Variants in CCDC171 observed in about 807,000 individuals in gnomAD.
The protein encoded by CCDC171 is coiled-coil domain containing 171, also known as coiled-coil domain-containing protein 171.
Under a neutral mutation model 168.2 loss-of-function variants are expected in CCDC171, and 177 were observed. The ratio of observed to expected loss-of-function variants is 1.05; its 90% CI spans 0.93 to 1.19. CCDC171 has a LOEUF of 1.19. Among genes scored for constraint, CCDC171 ranks in the 50% most tolerant of loss-of-function variants. The probability of loss-of-function intolerance (pLI) is 0.00; values close to 1 mark genes in which losing one functional copy is unlikely to be tolerated. For missense variants in CCDC171, 1,991 were observed against 1,539.0 expected, an observed-to-expected ratio of 1.29 and a Z score of -4.91; for synonymous variants, 687 against 540.8, an observed-to-expected ratio of 1.27 and a Z score of -3.75.
chr9:15,841,652 C>T lies in CCDC171; in HGVS notation c.3268-5050C>T, dbSNP rs563667406. Among the ~76,000 whole-genome samples the T allele has an allele frequency of 1.3e-4, 20 of 151,926 alleles. No homozygotes were observed. The South Asian group carries it at 4.2e-3, about 32-fold the overall frequency. On this transcript the variant is annotated intron_variant, in intron 21 of 25. Coordinates refer to ENST00000380701, the MANE Select transcript of CCDC171 (RefSeq NM_173550.4). ...AATTCCTCATATAAAATATAAGATA[C>T]CAAGATCGAAATTTATTCAGATATA...
chr9:16,059,860 G>A (rs1833905565), intron 1 of CCDC171, among the ~76,000 whole-genome samples: 1 of 151,764 alleles, frequency 6.6e-6, no homozygotes, highest in Admixed American at 6.6e-5. Flanking sequence ...ACTTGCAAGT[G>A]AGTGAGTCAG....
intron 25 of CCDC171, among the ~76,000 whole-genome samples, chr9:15,962,006 G>A (rs1031513479): frequency 3.9e-5 from 6 of 152,036 alleles, no homozygotes; most frequent in Non-Finnish European, 5.9e-5. Flanking sequence ...ATTTTAAATA[G>A]TTATGGGAAA....
At chr9:15,601,463 T>C (rs1271971417) in intron 6 of CCDC171, among the ~76,000 whole-genome samples, 1 of 152,230 alleles carries the variant, frequency 6.6e-6, no homozygotes. Context: ...AACCACGCTT[T>C]AGACCTCTTG....
In CCDC171 at chr9:15,727,555, GC is replaced by G. The variant is rs1263031191; in HGVS notation, c.1693-313del. Among the ~76,000 whole-genome samples, 3 of 152,270 alleles carry G rather than the reference GC, an allele frequency of 2.0e-5. No homozygotes were observed. The East Asian group carries it at 5.8e-4, about 29-fold the overall frequency. ...TCCAATCCATATGCTTCGTGTGATA[GC>G]TAAGGAAACTTAAGCCTGAGCAGGT... On this transcript the variant is annotated intron_variant, in intron 14 of 25. Transcript: ENST00000380701.
intron 24 of CCDC171, among the ~76,000 whole-genome samples, chr9:15,895,348 GAAAGTC>G (rs968492268): frequency 5.3e-5 from 8 of 152,088 alleles, no homozygotes; most frequent in Non-Finnish European, 8.8e-5. Context: ...AAGTGTTAGA[GAAAGTC>G]AAAGTAACTG....
chr9:15,858,908 C>T (rs1028650230), intron 23 of CCDC171, among the ~76,000 whole-genome samples: 1 of 152,024 alleles, frequency 6.6e-6, no homozygotes, highest in African/African-American at 2.4e-5. Flanking sequence ...CTTGCTAGGA[C>T]ATTCAGTGAT....
the CCDC171 span, among the ~76,000 whole-genome samples, chr9:16,081,495 G>GA: frequency 6.6e-6 from 1 of 152,114 alleles, no homozygotes. Flanking sequence ...ACATGAACAA[G>GA]AAAAAATGTA....
chr9:15,808,517 G>T (rs2059176617), intron 21 of CCDC171, among the ~76,000 whole-genome samples: 1 of 152,190 alleles, frequency 6.6e-6, no homozygotes, highest in Non-Finnish European at 1.5e-5. Context: ...GAGAGTGCTA[G>T]TAGACTGGGT....
intron 10 of CCDC171, among the ~76,000 whole-genome samples, chr9:15,685,232 A>G (rs2050306055): frequency 6.6e-6 from 1 of 152,234 alleles, no homozygotes; most frequent in African/African-American, 2.4e-5. Flanking sequence ...TTTCAGCTCA[A>G]CAGTTTTGTT....
At chr9:15,871,512 C>G (rs992539596) in intron 23 of CCDC171, among the ~76,000 whole-genome samples, 2 of 151,792 alleles carry the variant, frequency 1.3e-5, no homozygotes, top group Non-Finnish European at 2.9e-5. Context: ...AATATTACTT[C>G]AAAACTTTTT....
chr9:15,560,092 G>A (rs2039154798), intron 1 of CCDC171, among the ~76,000 whole-genome samples: 1 of 152,196 alleles, frequency 6.6e-6, no homozygotes, highest in East Asian at 1.9e-4. Context: ...AGTTTCTGCT[G>A]AGAGATCCGC....
At chr9:15,623,479 A>T (rs199908984) in intron 7 of CCDC171, 66 bp downstream of exon 7, 1 of 399,542 alleles carries the variant, frequency 2.5e-6, no homozygotes, top group East Asian at 6.6e-5. Flanking sequence ...GCGCGCGCAC[A>T]CACACACACA....
At chr9:15,740,809 A>G (rs978964381) in intron 16 of CCDC171, among the ~76,000 whole-genome samples, 30 of 151,994 alleles carry the variant, frequency 2.0e-4, no homozygotes, top group African/African-American at 5.8e-4. Flanking sequence ...CTTCTTTTTC[A>G]GGGTTAAACT....
rs1329517159 is a variant in CCDC171 at position 15,816,309 on chromosome 9, TTTAAA to T, written c.3268-30387_3268-30383del. ...TTTTTTACAAACATTATATTAGTTT[TTTAAA>T]TTAAACCTGCTTAAGTAAGAAAAAA... On this transcript the variant is annotated intron_variant, in intron 21 of 25. Coordinates refer to ENST00000380701, the MANE Select transcript of CCDC171 (RefSeq NM_173550.4). 1.5e-4 allele frequency among the ~76,000 whole-genome samples: 18 copies of T among 117,806 alleles called. 5 individuals are homozygous for T. The highest frequency in any genetic ancestry group is 3.1e-4 in the Non-Finnish European group (16 of 52,382). 77.3% of individuals were successfully genotyped at this position (117,806 alleles called of 152,430 possible).
intron 7 of CCDC171, among the ~76,000 whole-genome samples, chr9:15,651,594 C>T (rs554694757): frequency 3.9e-5 from 6 of 152,136 alleles, no homozygotes; most frequent in Non-Finnish European, 5.9e-5. Context: ...CGAGTGAGAA[C>T]GTGCGATATT....
chr9:16,000,511 G>T (rs1170982824), intron 3 of CCDC171, among the ~76,000 whole-genome samples: 2 of 152,132 alleles, frequency 1.3e-5, no homozygotes, highest in Non-Finnish European at 2.9e-5. Context: ...TTGAAGTGAG[G>T]TCATCAGCAG....
rs553969286 is a variant in CCDC171 at position 15,966,275 on chromosome 9, G to T, written c.3754-5334G>T. On this transcript the variant is annotated intron_variant, in intron 25 of 25. Transcript: ENST00000380701. The stretch of plus-strand genomic sequence containing the variant: ...GACCTTGACCAGAGTTTGAAACGTG[G>T]AGGACTCACCCAACAAAGAGCAGAA... Among the ~76,000 whole-genome samples the T allele has an allele frequency of 4.6e-5, 7 of 152,296 alleles. No homozygotes were observed. The South Asian group carries it at 1.2e-3, about 27-fold the overall frequency.
the CCDC171 span, among the ~76,000 whole-genome samples, chr9:16,083,519 A>G: frequency 6.6e-6 from 1 of 152,208 alleles, no homozygotes; most frequent in African/African-American, 2.4e-5. Context: ...GAGATTTTCA[A>G]TAACTACCAT....
At chr9:15,786,733 C>T (rs1274431206) in intron 21 of CCDC171, among the ~76,000 whole-genome samples, 4 of 152,104 alleles carry the variant, frequency 2.6e-5, no homozygotes, top group African/African-American at 7.2e-5. Context: ...TAACTGATAA[C>T]CCACCTTACG....
Sources: gnomAD v4.1 joint callset for allele counts (sites outside exome capture counted in the v4.1 genomes callset) on GRCh38, gnomAD v4.1.1 for gene constraint, MANE v1.5 for transcripts, NCBI Gene and HGNC (gene_info 2026-07-23, HGNC 2026-07-21) for gene names.